ALG12: variants seen among roughly 807,000 people sequenced by gnomAD.
ALG12 encodes dol-P-Man:Man(7)GlcNAc(2)-PP-Dol alpha-1,6-mannosyltransferase.
In ALG12, 36 loss-of-function variants were observed where a neutral mutation model predicts 46.0. That is an observed-to-expected ratio of 0.78 (90% CI 0.60 to 1.03). ALG12 has a LOEUF of 1.03. Ranked by LOEUF, ALG12 falls within the 50% of genes least tolerant of loss-of-function variation. The pLI, the probability that ALG12 is intolerant of heterozygous loss-of-function variation, is 0.00. For synonymous variants in ALG12, 326 were observed against 291.6 expected (o/e 1.12, Z -1.20); for missense variants, 599 against 633.5 (o/e 0.95, Z 0.58).
the ALG12 span, chr22:49,885,542 C>T: frequency 5.0e-6 from 8 of 1,606,572 alleles, no homozygotes; most frequent in South Asian, 8.8e-5. Context: ...TCTCCGGACA[C>T]CCGGGTGCCG....
chr22:49,877,173 A>G, the ALG12 span, among the ~76,000 whole-genome samples: 2 of 151,784 alleles, frequency 1.3e-5, no homozygotes, highest in Non-Finnish European at 1.5e-5. Flanking sequence ...TTATGTTTAA[A>G]GCGTGTTTCT....
the ALG12 span, chr22:49,884,994 C>T: frequency 0.76 from 1,227,848 of 1,612,818 alleles, 480,437 homozygotes; most frequent in East Asian, 0.86. Context: ...TTGAATCTGG[C>T]GCCATCTTCC....
chr22:49,874,017 T>A, the ALG12 span, among the ~76,000 whole-genome samples: 3 of 152,254 alleles, frequency 2.0e-5, no homozygotes, highest in Non-Finnish European at 4.4e-5. Flanking sequence ...CTGTGACCTC[T>A]CTGAACTCTC....
the ALG12 span, chr22:49,885,396 G>A: frequency 3.7e-6 from 6 of 1,600,386 alleles, no homozygotes; most frequent in African/African-American, 8.1e-5. Context: ...CAAAAGTCGT[G>A]TGCTTGCACT....
At chr22:49,908,337 G>A (rs531256373) in intron 6 of ALG12, among the ~76,000 whole-genome samples, 7 of 129,054 alleles carry the variant, frequency 5.4e-5, no homozygotes, top group Admixed American at 4.6e-4. Flanking sequence ...AGACCATCCT[G>A]GCCAACATGG....
chr22:49,880,910 T>A, the ALG12 span, among the ~76,000 whole-genome samples: 1 of 152,222 alleles, frequency 6.6e-6, no homozygotes, highest in Admixed American at 6.5e-5. Context: ...CAGCAGTGTT[T>A]TGCAGCTTTC....
chr22:49,860,374 T>C, the ALG12 span, among the ~76,000 whole-genome samples: 7 of 152,356 alleles, frequency 4.6e-5, no homozygotes, highest in South Asian at 4.1e-4. Context: ...AATTATATGT[T>C]ATTCTGAAAA....
rs565932175 is a variant in ALG12, at chr22:49,917,822, A to T, written c.-79+441T>A. Among the ~76,000 whole-genome samples the T allele has an allele frequency of 4.6e-4, 69 of 148,478 alleles. No homozygotes were observed. In the South Asian group the frequency reaches 0.015, roughly 32 times the overall value. On this transcript the variant is annotated intron_variant, in intron 1 of 9. Transcript: ENST00000330817. ...CCCTAATTTAAACCAGGGGTTCCTGAACATGAGCGAGTGTTCATCACCTCA... is the reference window on the plus strand; with the variant it reads ...CCCTAATTTAAACCAGGGGTTCCTGTACATGAGCGAGTGTTCATCACCTCA...
In ALG12 at chr22:49,902,965, T is replaced by G; in HGVS notation, c.*873A>C. ...GGTGTGTATGCATGGTGTGTGCACG[T>G]GTGCACTGTGTGCATGCGTGTGTGG... On this transcript the variant is annotated 3_prime_UTR_variant, in exon 10 of 10. Transcript: ENST00000330817. The G allele has an allele frequency of 3.1e-6, 1 of 321,516 alleles. No individual in the cohort carries two copies. Among genetic ancestry groups the G allele is most frequent in the South Asian group, 2.4e-5 (1 of 41,820 alleles). 19.9% of individuals were successfully genotyped at this position (321,516 alleles called of 1,614,324 possible).
chr22:49,877,586 C>T, the ALG12 span, among the ~76,000 whole-genome samples: 2 of 152,104 alleles, frequency 1.3e-5, no homozygotes, highest in Non-Finnish European at 2.9e-5. Flanking sequence ...AGCCACCACG[C>T]CTGGCCTAAA....
chr22:49,893,876 A>C, the ALG12 span, among the ~76,000 whole-genome samples: 30 of 152,338 alleles, frequency 2.0e-4, no homozygotes, highest in South Asian at 6.0e-3. Context: ...TTTCAAGTAG[A>C]TTCTGGGCCA....
downstream of ALG12, among the ~76,000 whole-genome samples, chr22:49,898,151 C>T (rs2060491135): frequency 6.6e-6 from 1 of 152,056 alleles, no homozygotes; most frequent in South Asian, 2.1e-4. Context: ...CAGGCATACA[C>T]CATCACACCT....
At chr22:49,910,980 C>A (rs1176677446) in intron 3 of ALG12, among the ~76,000 whole-genome samples, 1 of 152,226 alleles carries the variant, frequency 6.6e-6, no homozygotes, top group African/African-American at 2.4e-5. Context: ...CTTGCTCTAA[C>A]CAGCAGCCAT....
chr22:49,892,946 G>A, the ALG12 span, among the ~76,000 whole-genome samples: 1 of 152,136 alleles, frequency 6.6e-6, no homozygotes, highest in Admixed American at 6.5e-5. Context: ...TTTCAGACAC[G>A]GACTTTATGA....
At chr22:49,885,318 G>A in the ALG12 span, 1 of 1,593,214 alleles carries the variant, frequency 6.3e-7, no homozygotes, top group African/African-American at 1.4e-5. Flanking sequence ...ATCAAGTTAT[G>A]TTTCCTGTTA....
rs2060519876 is a variant in ALG12, at chr22:49,902,731, G to A, written c.*1107C>T. The A allele has an allele frequency of 1.1e-5, 1 of 93,380 alleles. No individual in the cohort carries two copies. The highest frequency in any genetic ancestry group is 2.1e-5 in the Non-Finnish European group (1 of 47,654). The allele number at this position is 93,380 out of a possible 1,614,324, so 5.8% of individuals were successfully genotyped here. On this transcript the variant is annotated 3_prime_UTR_variant, in exon 10 of 10. Transcript: ENST00000330817. ...ACGTGTGCACTGTGTGTGGATGCAT[G>A]GTAATGTGCACGTGTGCACTGTGTG...
rs760469174 is a variant in ALG12, at chr22:49,910,490, A to T, written c.413T>A (p.Phe138Tyr). Residue 138 changes from phenylalanine (F) to tyrosine (Y), a missense_variant, in exon 4 of 10, where the codon TTC (phenylalanine) becomes TAC (tyrosine). By Grantham distance (22) the Phe-to-Tyr change is conservative. Transcript: ENST00000330817. ...CCGCGTGCAGTAGAACATCAGGTGG[A>T]ACTGCATGGCCGTCACCCAGCAGAA... ...TMFCWVTAMQFHLMFYCTRTL... is the reference protein window; with the variant it reads ...TMFCWVTAMQYHLMFYCTRTL... 3.1e-6 allele frequency: 5 copies of T among 1,613,828 alleles called. No homozygotes were observed. The African/African-American group carries it at 6.7e-5, about 22-fold the overall frequency.
chr22:49,916,604 C>A (rs1226251557), intron 1 of ALG12, among the ~76,000 whole-genome samples: 2 of 152,110 alleles, frequency 1.3e-5, no homozygotes, highest in Admixed American at 1.3e-4. Flanking sequence ...AGGAAGCAAG[C>A]CGGATGTGTT....
the ALG12 span, among the ~76,000 whole-genome samples, chr22:49,870,138 G>A: frequency 1.2e-4 from 19 of 152,270 alleles, no homozygotes; most frequent in Non-Finnish European, 2.5e-4. Context: ...CATGCATGTT[G>A]CTGCAAGGGA....
Sources: allele counts gnomAD v4.1 joint callset (sites outside exome capture counted in the v4.1 genomes callset), GRCh38; gene constraint gnomAD v4.1.1; transcripts MANE v1.5; gene names NCBI Gene and HGNC (gene_info 2026-07-23, HGNC 2026-07-21).